The following STXBP4 variants were observed in gnomAD, a reference collection of about 807,000 sequenced individuals.
STXBP4 encodes syntaxin binding protein 4, also known as syntaxin-binding protein 4.
A neutral mutation model predicts 76.1 loss-of-function variants in STXBP4; 55 were observed. The ratio of observed to expected loss-of-function variants is 0.72; its 90% CI spans 0.58 to 0.91. STXBP4 has a LOEUF of 0.91. STXBP4 is among the 40% of genes least tolerant of loss of function. The pLI, the probability that STXBP4 is intolerant of heterozygous loss-of-function variation, is 0.00. For synonymous variants in STXBP4, 201 were observed against 220.2 expected, an observed-to-expected ratio of 0.91 and a Z score of 0.77; for missense variants, 618 against 636.9, an observed-to-expected ratio of 0.97 and a Z score of 0.32.
At chr17:55,105,555 C>A (rs1403660210) in intron 16 of STXBP4, among the ~76,000 whole-genome samples, 1 of 150,944 alleles carries the variant, frequency 6.6e-6, no homozygotes, top group Non-Finnish European at 1.5e-5. Context: ...GCAAGCTCTG[C>A]CTTCCGGGTT....
chr17:55,100,403 A>G (rs2079550203), intron 16 of STXBP4, among the ~76,000 whole-genome samples: 1 of 152,218 alleles, frequency 6.6e-6, no homozygotes, highest in African/African-American at 2.4e-5. Context: ...TATAGCCTCA[A>G]TAAGGAAAAA....
chr17:55,028,280 T>A (rs948435534), intron 8 of STXBP4, among the ~76,000 whole-genome samples: 23 of 152,128 alleles, frequency 1.5e-4, no homozygotes, highest in African/African-American at 5.6e-4. Flanking sequence ...ATCTAAATGA[T>A]TATCAGAAGG....
the STXBP4 span, among the ~76,000 whole-genome samples, chr17:55,185,248 T>TCTTCTTCTTCTTCTCCTTCTC: frequency 2.3e-5 from 1 of 43,888 alleles, no homozygotes; most frequent in African/African-American, 1.0e-4. Context: ...TTCTTCTTCT[T>TCTTCTTCTTCTTCTCCTTCTC]CTCCTTCTCC....
chr17:55,022,882 G>A (rs1341648737), intron 8 of STXBP4, among the ~76,000 whole-genome samples: 1 of 152,192 alleles, frequency 6.6e-6, no homozygotes, highest in Admixed American at 6.5e-5. Flanking sequence ...AGGCCAAGGT[G>A]AGGTCTCTGG....
intron 8 of STXBP4, among the ~76,000 whole-genome samples, chr17:55,016,162 A>C (rs983841383): frequency 6.6e-5 from 10 of 152,080 alleles, no homozygotes; most frequent in African/African-American, 2.4e-4. Context: ...AGCGTCCTTT[A>C]TGGTCCTAAT....
intron 15 of STXBP4, among the ~76,000 whole-genome samples, chr17:55,079,663 G>C (rs965904666): frequency 5.3e-5 from 8 of 151,888 alleles, no homozygotes; most frequent in African/African-American, 1.7e-4. Flanking sequence ...AGCTACTTGG[G>C]AGGTTGAGGC....
At chr17:55,141,689 A>C (rs1367795915) in intron 17 of STXBP4, among the ~76,000 whole-genome samples, 1 of 152,178 alleles carries the variant, frequency 6.6e-6, no homozygotes, top group African/African-American at 2.4e-5. Context: ...CTAGCAAAAA[A>C]ATCCGTTTTG....
At chr17:54,973,013 A>G (rs976195416) in intron 1 of STXBP4, among the ~76,000 whole-genome samples, 3 of 152,232 alleles carry the variant, frequency 2.0e-5, no homozygotes, top group Non-Finnish European at 2.9e-5. Context: ...GACGAGGAAG[A>G]AAGAAAGAGA....
rs973633230 is a variant in STXBP4 at position 55,167,183 on chromosome 17, G to C, written c.*7272G>C. The C allele has an allele frequency of 6.6e-6, 1 of 152,134 alleles. No homozygotes were observed. Among genetic ancestry groups the C allele is most frequent in the African/African-American group, 2.4e-5 (1 of 41,406 alleles). The allele number at this position is 152,134 out of a possible 1,614,324, so 9.4% of individuals were successfully genotyped here. On this transcript the variant is annotated 3_prime_UTR_variant, in exon 18 of 18. Coordinates refer to ENST00000376352, the MANE Select transcript of STXBP4 (RefSeq NM_178509.6). Reference sequence around the variant, plus strand: ...ATCACACTATATATGTAATTAATTTGGATAGGAAAGTAGGGCATGTGTCAT... The same window carrying C: ...ATCACACTATATATGTAATTAATTTCGATAGGAAAGTAGGGCATGTGTCAT...
chr17:55,206,024 T>C, the STXBP4 span, among the ~76,000 whole-genome samples: 6 of 152,254 alleles, frequency 3.9e-5, no homozygotes, highest in East Asian at 9.6e-4. Flanking sequence ...ATATACTTAT[T>C]AAAATGCATA....
At chr17:55,176,752 T>G (rs2080432403), downstream of STXBP4, among the ~76,000 whole-genome samples, 1 of 152,186 alleles carries the variant, frequency 6.6e-6, no homozygotes. Flanking sequence ...AGATCTGCCC[T>G]CAGCAATGTG....
downstream of STXBP4, among the ~76,000 whole-genome samples, chr17:55,176,110 G>A (rs968024064): frequency 3.9e-5 from 6 of 152,070 alleles, no homozygotes; most frequent in African/African-American, 1.4e-4. Flanking sequence ...GGTAATTATC[G>A]CCCACCTTCT....
intron 13 of STXBP4, 49 bp downstream of exon 13, chr17:55,073,125 G>C (rs1406150632): frequency 1.9e-6 from 3 of 1,563,906 alleles, no homozygotes; most frequent in East Asian, 2.3e-5. Flanking sequence ...CCTTGCCGTT[G>C]TCATGTATCC....
In STXBP4 at chr17:55,007,071, C is replaced by T. The variant is rs1339258777; in HGVS notation, c.575-435C>T. ...TATGAAAACTTGCCGGGTGTGGTGG[C>T]TCACTCCTGTAATCCTGGCAGTTTG... On this transcript the variant is annotated intron_variant, in intron 7 of 17. Coordinates refer to ENST00000376352, the MANE Select transcript of STXBP4 (RefSeq NM_178509.6). 3.9e-5 allele frequency among the ~76,000 whole-genome samples: 6 copies of T among 152,192 alleles called. No homozygotes were observed. In the East Asian group the frequency reaches 1.2e-3, roughly 29 times the overall value.
chr17:55,009,827 C>G (rs1202014007), intron 8 of STXBP4, among the ~76,000 whole-genome samples: 1 of 151,960 alleles, frequency 6.6e-6, no homozygotes, highest in African/African-American at 2.4e-5. Context: ...AGCTACTCTT[C>G]TTGTTTTGCA....
At position 55,163,222 on chromosome 17, in the gene STXBP4, T is replaced by TTG. The variant is rs1356564088; in HGVS notation, c.*3312_*3313insGT. The TTG allele has an allele frequency of 4.0e-5, 6 of 151,252 alleles. No individual in the cohort carries two copies. Among genetic ancestry groups the TTG allele is most frequent in the Non-Finnish European group, 8.8e-5 (6 of 67,806 alleles). 9.4% of individuals were successfully genotyped at this position (151,252 alleles called of 1,614,324 possible). On this transcript the variant is annotated 3_prime_UTR_variant, in exon 18 of 18. Coordinates refer to ENST00000376352, the MANE Select transcript of STXBP4 (RefSeq NM_178509.6). Reference sequence around the variant, plus strand: ...ATGTTCCTATAGATTTTCTGGGTTTTTTTTTTTTTTTTGTCCTTGGAAGAA... The same window carrying TTG: ...ATGTTCCTATAGATTTTCTGGGTTTTTGTTTTTTTTTTTTGTCCTTGGAAGAA...
chr17:55,174,984 A>G (rs2080424151), downstream of STXBP4, among the ~76,000 whole-genome samples: 2 of 152,106 alleles, frequency 1.3e-5, no homozygotes, highest in African/African-American at 4.8e-5. Context: ...AGATAGCGCC[A>G]CTGCACTTCA....
At position 54,999,403 on chromosome 17, in the gene STXBP4, G is replaced by A. The variant is rs2077869674; in HGVS notation, c.239G>A (p.Gly80Asp). The change falls in exon 5 of 18, where the codon GGT becomes GAT. Residue 80 changes from glycine to aspartate, a missense_variant. Transcript: ENST00000376352. The part of the protein sequence containing the change: ...LVSVNKESMI[G>D]VSFEEAKSII... ...TCAGTCAACAAGGAATCTATGATTG[G>A]TGTATCATTTGAAGAAGCAAAAAGC... The A allele has an allele frequency of 6.2e-7, 1 of 1,613,174 alleles. No individual in the cohort carries two copies.
At chr17:55,072,299 G>A (rs1014062814) in intron 12 of STXBP4, among the ~76,000 whole-genome samples, 13 of 152,162 alleles carry the variant, frequency 8.5e-5, no homozygotes, top group African/African-American at 3.1e-4. Flanking sequence ...AAAGACACGT[G>A]ATGCACCTGA....
Sources: allele counts gnomAD v4.1 joint callset (sites outside exome capture counted in the v4.1 genomes callset), GRCh38; gene constraint gnomAD v4.1.1; transcripts MANE v1.5; gene names NCBI Gene and HGNC (gene_info 2026-07-23, HGNC 2026-07-21).